Variants in TTBK2 observed in about 807,000 individuals in gnomAD.
TTBK2 encodes tau tubulin kinase 2.
A neutral mutation model predicts 110.8 loss-of-function variants in TTBK2; 28 were observed. The ratio of observed to expected loss-of-function variants is 0.25; its 90% CI spans 0.19 to 0.35. TTBK2 has a LOEUF of 0.35. Among genes scored for constraint, TTBK2 ranks in the 10% least tolerant of loss-of-function variants. TTBK2 has a pLI of 1.00. For missense variants in TTBK2, 1,369 were observed against 1,500.3 expected (o/e 0.91, Z 1.45); for synonymous variants, 532 against 527.3 (o/e 1.01, Z -0.12).
chr15:42,846,066 T>A (rs980668465), intron 3 of TTBK2, among the ~76,000 whole-genome samples: 25 of 151,884 alleles, frequency 1.6e-4, no homozygotes, highest in African/African-American at 5.6e-4. Flanking sequence ...TTATGATACC[T>A]AATACAATGT....
intron 3 of TTBK2, among the ~76,000 whole-genome samples, chr15:42,854,661 A>C (rs1893859517): frequency 6.6e-6 from 1 of 151,662 alleles, no homozygotes; most frequent in Non-Finnish European, 1.5e-5. Context: ...AAAAAAAAAA[A>C]CCTCAAATCC....
At chr15:42,905,298 G>A (rs1484979259) in intron 1 of TTBK2, among the ~76,000 whole-genome samples, 3 of 152,164 alleles carry the variant, frequency 2.0e-5, no homozygotes, top group Non-Finnish European at 4.4e-5. Flanking sequence ...TTTCGAGACA[G>A]GGCCTCACTC....
chr15:42,842,382 G>C (rs938522255), intron 3 of TTBK2, among the ~76,000 whole-genome samples: 1 of 152,078 alleles, frequency 6.6e-6, no homozygotes, highest in East Asian at 1.9e-4. Context: ...AACATAAACC[G>C]GAAGTCATTA....
At chr15:42,795,469 G>A (rs1354565844) in intron 9 of TTBK2, among the ~76,000 whole-genome samples, 1 of 151,844 alleles carries the variant, frequency 6.6e-6, no homozygotes, top group Non-Finnish European at 1.5e-5. Context: ...TTCTGTCATA[G>A]GCAACATTTC....
chr15:42,797,976 C>T (rs192339305), intron 9 of TTBK2, among the ~76,000 whole-genome samples: 6 of 152,142 alleles, frequency 3.9e-5, no homozygotes, highest in Admixed American at 2.6e-4. Flanking sequence ...CTTCGCCTCC[C>T]GGGTTCAAGC....
chr15:42,891,675 T>C (rs1222474267), intron 1 of TTBK2, among the ~76,000 whole-genome samples: 1 of 152,172 alleles, frequency 6.6e-6, no homozygotes, highest in Non-Finnish European at 1.5e-5. Flanking sequence ...CATATAGTCC[T>C]CTTCATCTGA....
At chr15:42,903,059 G>A (rs1275451614) in intron 1 of TTBK2, among the ~76,000 whole-genome samples, 8 of 151,216 alleles carry the variant, frequency 5.3e-5, no homozygotes, top group South Asian at 2.1e-4. Context: ...AGACAGTCTC[G>A]CTCTGTTGCC....
intron 13 of TTBK2, among the ~76,000 whole-genome samples, chr15:42,754,375 C>A (rs1286968543): frequency 6.6e-6 from 1 of 151,948 alleles, no homozygotes; most frequent in Non-Finnish European, 1.5e-5. Flanking sequence ...GCCACCATAC[C>A]TGGCCAATTT....
chr15:42,896,295 T>C (rs1365315276), intron 1 of TTBK2, among the ~76,000 whole-genome samples: 1 of 151,862 alleles, frequency 6.6e-6, no homozygotes, highest in Non-Finnish European at 1.5e-5. Flanking sequence ...GCCATTACAC[T>C]CCAGCCTGGT....
chr15:42,880,291 C>T (rs895980845), intron 1 of TTBK2, among the ~76,000 whole-genome samples: 6 of 152,164 alleles, frequency 3.9e-5, no homozygotes, highest in African/African-American at 1.4e-4. Context: ...ACCACATTTA[C>T]ATAATAAAAG....
intron 1 of TTBK2, among the ~76,000 whole-genome samples, chr15:42,890,326 G>T (rs1895407227): frequency 6.6e-6 from 1 of 152,158 alleles, no homozygotes; most frequent in Non-Finnish European, 1.5e-5. Flanking sequence ...AAACCTGTTT[G>T]GTGGCCTCTT....
intron 1 of TTBK2, among the ~76,000 whole-genome samples, chr15:42,909,599 C>T (rs1470202010): frequency 1.3e-5 from 2 of 151,974 alleles, no homozygotes; most frequent in African/African-American, 4.8e-5. Flanking sequence ...TTTTGGGGGG[C>T]CATTATTGCA....
At chr15:42,873,628 C>G (rs1894700209) in intron 2 of TTBK2, among the ~76,000 whole-genome samples, 1 of 152,122 alleles carries the variant, frequency 6.6e-6, no homozygotes, top group African/African-American at 2.4e-5. Flanking sequence ...TCAACAAGCA[C>G]TATTCTCTCT....
chr15:42,869,354 G>A (rs1894517066), intron 3 of TTBK2, among the ~76,000 whole-genome samples: 1 of 151,398 alleles, frequency 6.6e-6, no homozygotes, highest in African/African-American at 2.4e-5. Context: ...CTCCCGAAGT[G>A]CTGGGATTAC....
intron 1 of TTBK2, among the ~76,000 whole-genome samples, chr15:42,886,508 C>A (rs1249361438): frequency 6.6e-6 from 1 of 152,164 alleles, no homozygotes; most frequent in East Asian, 1.9e-4. Context: ...GACGCTTTAC[C>A]GCCCTAGACC....
At chr15:42,825,493 T>C (rs931640465) in intron 6 of TTBK2, among the ~76,000 whole-genome samples, 2 of 152,084 alleles carry the variant, frequency 1.3e-5, no homozygotes, top group Non-Finnish European at 2.9e-5. Context: ...GGTGGATCCC[T>C]TGAGGTGAGG....
chr15:42,840,363 C>T lies in TTBK2; in HGVS notation c.288G>A (p.Leu96=), dbSNP rs1479590435. The T allele has an allele frequency of 3.1e-6, 5 of 1,613,658 alleles. No individual in the cohort carries two copies. The highest frequency in any genetic ancestry group is 4.2e-6 in the Non-Finnish European group (5 of 1,179,756). ...NDRFNYVVMQ[L]QGRNLADLRR... ...ATACGTTTTCAAGGTAACCTACCTG[C>T]AACTGCATGACCACATAGTTGAATC... The change falls in exon 4 of 15, where the codon TTG becomes TTA. Residue 96 remains leucine (L), a synonymous_variant. Coordinates refer to ENST00000267890, the MANE Select transcript of TTBK2 (RefSeq NM_173500.4).
chr15:42,757,977 T>C (rs982965139), intron 13 of TTBK2, among the ~76,000 whole-genome samples: 11 of 152,208 alleles, frequency 7.2e-5, no homozygotes, highest in Non-Finnish European at 1.5e-4. Flanking sequence ...GCCTCACTAT[T>C]TTTCAGTCAC....
intron 1 of TTBK2, among the ~76,000 whole-genome samples, chr15:42,911,757 G>T (rs886380967): frequency 1.3e-5 from 2 of 152,158 alleles, no homozygotes; most frequent in Non-Finnish European, 2.9e-5. Context: ...GAGGTGCTTT[G>T]TTTCAAGGCA....
Sources: gnomAD v4.1 joint callset for allele counts (sites outside exome capture counted in the v4.1 genomes callset) on GRCh38, gnomAD v4.1.1 for gene constraint, MANE v1.5 for transcripts, NCBI Gene and HGNC (gene_info 2026-07-23, HGNC 2026-07-21) for gene names.